Variants in SEC24C observed in about 807,000 individuals in gnomAD.
SEC24C encodes SEC24 homolog C, COPII component.
SEC24C carries 22 observed loss-of-function variants against 117.0 expected under a neutral mutation model. The ratio of observed to expected loss-of-function variants is 0.19; its 90% CI spans 0.13 to 0.27. The LOEUF is 0.27. Ranked by LOEUF, SEC24C falls within the 10% of genes least tolerant of loss-of-function variation. The pLI is 1.00. For synonymous variants in SEC24C, 506 were observed against 529.4 expected (o/e 0.96, Z 0.61); for missense variants, 1,155 against 1,375.1 (o/e 0.84, Z 2.53).
At position 73,771,017 on chromosome 10, in the gene SEC24C, C is replaced by G; in HGVS notation, c.3207C>G (p.Asp1069Glu). The G allele has an allele frequency of 6.2e-7, 1 of 1,614,162 alleles. No individual in the cohort carries two copies. Among genetic ancestry groups the G allele is most frequent in the Non-Finnish European group, 8.5e-7 (1 of 1,180,040 alleles). ...EMLFKHFLVE[D>E]KSLSGGASYV... ...TGTTCAAGCACTTCCTGGTGGAAGA[C>G]AAGAGTCTGAGTGGGGGAGCATCTT... Residue 1069 changes from aspartate to glutamate, a missense_variant, in exon 23 of 23, where the codon GAC (aspartate) becomes GAG (glutamate). Physicochemically the swap from Asp to Glu is conservative, Grantham distance 45 (BLOSUM62 2). Around this residue, in one of 2 missense-constraint regions of SEC24C, gnomAD observed 759 missense variants for 992.3 expected, o/e 0.76. Transcript: ENST00000345254.
intron 8 of SEC24C, 90 bp downstream of exon 8, chr10:73,764,073 A>C: frequency 6.9e-7 from 1 of 1,444,180 alleles, no homozygotes; most frequent in South Asian, 1.4e-5. Flanking sequence ...CCAGCTTCAC[A>C]ATGGAAGATA....
intron 10 of SEC24C, 82 bp downstream of exon 10, chr10:73,765,997 C>CT: frequency 6.3e-7 from 1 of 1,591,800 alleles, no homozygotes; most frequent in Non-Finnish European, 8.6e-7. Context: ...TCCCTCACCC[C>CT]TTTTTTGTCC....
chr10:73,747,899 TC>T (rs1444049577), intron 2 of SEC24C, among the ~76,000 whole-genome samples: 1 of 151,956 alleles, frequency 6.6e-6, no homozygotes, highest in Non-Finnish European at 1.5e-5. Context: ...CCTCAAGTGA[TC>T]CACCCACCTC....
Position 73,767,982 on chromosome 10 carries a change from C to T in SEC24C, c.2156C>T (p.Ser719Phe). The T allele has an allele frequency of 6.2e-7, 1 of 1,612,812 alleles. No homozygotes were observed. The change falls in exon 15 of 23, where the codon TCT (serine) becomes TTT (phenylalanine). Residue 719 changes from serine (S) to phenylalanine (F), a missense_variant. By Grantham distance (155) the Ser-to-Phe change is radical. This residue lies in a region of SEC24C where 759 missense variants were observed against 992.3 expected (regional missense o/e 0.76). Transcript: ENST00000345254. ...GTTGTGCCCCAGCTCACTGGTGGCTCTGTCTACAAATATGCTTCCTTTCAG... is the reference window on the plus strand; with the variant it reads ...GTTGTGCCCCAGCTCACTGGTGGCTTTGTCTACAAATATGCTTCCTTTCAG... ...LSVVPQLTGG[S>F]VYKYASFQVE...
intron 3 of SEC24C, among the ~76,000 whole-genome samples, chr10:73,754,315 T>C (rs1247922273): frequency 1.3e-5 from 2 of 152,120 alleles, no homozygotes; most frequent in African/African-American, 4.8e-5. Flanking sequence ...CTTGGGAGGC[T>C]GAGGCAGGAG....
At chr10:73,761,217 G>A (rs2082791859) in intron 6 of SEC24C, among the ~76,000 whole-genome samples, 1 of 152,132 alleles carries the variant, frequency 6.6e-6, no homozygotes, top group Admixed American at 6.5e-5. Context: ...CTTCCTAATG[G>A]GTAGAGCAGG....
rs1294648120 is a variant in SEC24C, at chr10:73,765,469, G to A, written c.1246G>A (p.Asp416Asn). 5.0e-6 allele frequency: 8 copies of A among 1,613,482 alleles called. No individual in the cohort carries two copies. Among genetic ancestry groups the A allele is most frequent in the Non-Finnish European group, 6.8e-6 (8 of 1,179,530 alleles). The change falls in exon 9 of 23, where the codon GAC (aspartate) becomes AAC (asparagine). Residue 416 changes from aspartate to asparagine, a missense_variant. Transcript: ENST00000345254. The part of the protein sequence containing the change: ...PPEEASPYVV[D>N]HGESGPLRCN... ...GCCTTAGGCTTCACCGTATGTTGTGGACCATGGGGAATCTGGCCCTTTGCG... is the reference window on the plus strand; with the variant it reads ...GCCTTAGGCTTCACCGTATGTTGTGAACCATGGGGAATCTGGCCCTTTGCG...
intron 14 of SEC24C, among the ~76,000 whole-genome samples, 177 bp from the exon 15 acceptor site, chr10:73,767,660 C>A (rs2082905622): frequency 6.6e-6 from 1 of 151,780 alleles, no homozygotes; most frequent in South Asian, 2.1e-4. Context: ...AGAGTGAGAC[C>A]CTGTCTCAAA....
rs761891923 is a variant in SEC24C, at chr10:73,770,010, C to T, written c.2857C>T (p.Pro953Ser). 72 of 1,613,910 alleles carry T rather than the reference C, an allele frequency of 4.5e-5. No individual in the cohort carries two copies. The highest frequency in any genetic ancestry group is 5.9e-5 in the Non-Finnish European group (70 of 1,179,962). ...TGTCTTCTTCTACCCTCGGCTCTTA[C>T]CTTTGGTGCGATTGAGGGTTGGAGT... ...TNVFFYPRLL[P>S]LTKSPVESTT... The change falls in exon 20 of 23, where the codon CCT (proline) becomes TCT (serine). Residue 953 changes from proline to serine, a missense_variant. Around this residue, in one of 2 missense-constraint regions of SEC24C, gnomAD observed 759 missense variants for 992.3 expected, o/e 0.76. Transcript: ENST00000345254.
chr10:73,750,949 G>A (rs919479539), intron 2 of SEC24C, among the ~76,000 whole-genome samples, 159 bp from the exon 3 acceptor site: 1 of 152,190 alleles, frequency 6.6e-6, no homozygotes, highest in Admixed American at 6.5e-5. Flanking sequence ...GAATACTGCT[G>A]TAGCTACAGT....
intron 1 of SEC24C, among the ~76,000 whole-genome samples, chr10:73,744,761 T>C (rs2082519337): frequency 6.6e-6 from 1 of 152,134 alleles, no homozygotes; most frequent in African/African-American, 2.4e-5. Context: ...TCCTCGGCTC[T>C]CCGAGGCTCC....
Position 73,755,702 on chromosome 10 carries a change from G to A in SEC24C, c.309-3920G>A, listed in dbSNP as rs191889188. Among the ~76,000 whole-genome samples the A allele has an allele frequency of 4.2e-3, 636 of 151,828 alleles. 1 individual carries two copies. The highest frequency in any genetic ancestry group is 6.3e-3 in the Non-Finnish European group (428 of 67,954). ...TCAGGAAAAAAAAAAAGTTTCAACCGGGTGGTAGATTGACATAATCTGAAA... is the reference window on the plus strand; with the variant it reads ...TCAGGAAAAAAAAAAAGTTTCAACCAGGTGGTAGATTGACATAATCTGAAA... On this transcript the variant is annotated intron_variant, in intron 3 of 22. Coordinates refer to ENST00000345254, the MANE Select transcript of SEC24C (RefSeq NM_198597.3).
rs1406257461 is a variant in SEC24C at position 73,770,048 on chromosome 10, A to T, written c.2862+33A>T. ...TGAGGGTTGGAGTATGAGATCTTGCACGGAGCAAAGGGCCTCTTAGGAGGA... is the reference window on the plus strand; with the variant it reads ...TGAGGGTTGGAGTATGAGATCTTGCTCGGAGCAAAGGGCCTCTTAGGAGGA... On this transcript the variant is annotated intron_variant, in intron 20 of 22. Transcript: ENST00000345254. 1.9e-6 allele frequency: 3 copies of T among 1,603,462 alleles called. No homozygotes were observed. The African/African-American group carries it at 4.0e-5, about 21-fold the overall frequency.
chr10:73,770,688 T>A (rs1261693878), intron 21 of SEC24C, 21 bp from the exon 22 acceptor site: 1 of 1,613,322 alleles, frequency 6.2e-7, no homozygotes. Context: ...ACCATAAGGA[T>A]AAATGAATTT....
At chr10:73,746,158 CA>C (rs71021568) in intron 1 of SEC24C, among the ~76,000 whole-genome samples, 46,664 of 93,044 alleles carry the variant, frequency 0.5, 8,156 homozygotes, top group Middle Eastern at 0.61. Flanking sequence ...GACTCCGTCT[CA>C]AAAAAAAAAA....
intron 3 of SEC24C, among the ~76,000 whole-genome samples, chr10:73,754,479 T>G (rs886889337): frequency 1.3e-5 from 2 of 152,186 alleles, no homozygotes; most frequent in Non-Finnish European, 2.9e-5. Flanking sequence ...CATCCAATTC[T>G]ATTGATTCCA....
Position 73,770,656 on chromosome 10 carries a change from T to C in SEC24C, c.3055-53T>C, listed in dbSNP as rs1203723670. 6 of 1,591,724 alleles carry C rather than the reference T, an allele frequency of 3.8e-6. No individual in the cohort carries two copies. The African/African-American group carries it at 6.7e-5, about 18-fold the overall frequency. On this transcript the variant is annotated intron_variant, in intron 21 of 22. Coordinates refer to ENST00000345254, the MANE Select transcript of SEC24C (RefSeq NM_198597.3). ...ATGCATACATGTATGCTGCCCCACC[T>C]TGACTGAACTCAGAGTGCCTTACCA...
intron 3 of SEC24C, among the ~76,000 whole-genome samples, chr10:73,752,993 C>T (rs2082663024): frequency 6.6e-6 from 1 of 151,880 alleles, no homozygotes; most frequent in Non-Finnish European, 1.5e-5. Flanking sequence ...ATTATTCTCT[C>T]CCTCCCCTCA....
In SEC24C at chr10:73,769,246, CAG is replaced by C. The variant is rs762293759; in HGVS notation, c.2424+95_2424+96del. On this transcript the variant is annotated intron_variant, in intron 17 of 22. Coordinates refer to ENST00000345254, the MANE Select transcript of SEC24C (RefSeq NM_198597.3). The surrounding 1 kb of genome is among the most constrained non-coding windows in gnomAD (Gnocchi z 4.5). ...GGGTAGAGAGCACTAAAAGAAGAGACAGGGCACGGGAGTGGCTCATTTCTCTC... is the reference window on the plus strand; with the variant it reads ...GGGTAGAGAGCACTAAAAGAAGAGACGGCACGGGAGTGGCTCATTTCTCTC... 2.0e-5 allele frequency: 31 copies of C among 1,585,308 alleles called. No homozygotes were observed. The highest frequency in any genetic ancestry group is 1.1e-4 in the South Asian group (10 of 87,852).
Sources: allele counts gnomAD v4.1 joint callset (sites outside exome capture counted in the v4.1 genomes callset), GRCh38; gene constraint gnomAD v4.1.1; regional missense constraint gnomAD v4.1.1; non-coding constraint Gnocchi (gnomAD v3.1); transcripts MANE v1.5; gene names NCBI Gene and HGNC (gene_info 2026-07-23, HGNC 2026-07-21).